The following B3GALT1 variants were observed in gnomAD, a reference collection of about 807,000 sequenced individuals.
The protein encoded by B3GALT1 is beta-1,3-galactosyltransferase 1.
B3GALT1 carries 10 observed loss-of-function variants against 23.2 expected under a neutral mutation model. That is an observed-to-expected ratio of 0.43 (90% CI 0.27 to 0.73). The LOEUF (loss-of-function observed/expected upper bound fraction) is 0.73, where lower values mean the gene tolerates loss of function less well. Ranked by LOEUF, B3GALT1 falls within the 30% of genes least tolerant of loss-of-function variation. The pLI is 0.21. For missense variants in B3GALT1, 299 were observed against 405.4 expected (o/e 0.74, Z 2.25); for synonymous variants, 156 against 141.5 (o/e 1.10, Z -0.73).
intron 3 of B3GALT1, among the ~76,000 whole-genome samples, chr2:167,766,613 T>C (rs1027028052): frequency 1.3e-5 from 2 of 152,148 alleles, no homozygotes; most frequent in Admixed American, 1.3e-4. Flanking sequence ...TTTTTAAGAT[T>C]GGGAAACAAA....
chr2:167,822,833 C>A (rs1574282080), intron 4 of B3GALT1, among the ~76,000 whole-genome samples: 1 of 152,202 alleles, frequency 6.6e-6, no homozygotes, highest in African/African-American at 2.4e-5. Flanking sequence ...GCACTTTTTA[C>A]TAATCTTACA....
chr2:167,741,704 A>G (rs1687579388), intron 3 of B3GALT1, among the ~76,000 whole-genome samples: 1 of 152,124 alleles, frequency 6.6e-6, no homozygotes, highest in African/African-American at 2.4e-5. Flanking sequence ...TATAAATCAC[A>G]CTAAACATCT....
intron 3 of B3GALT1, among the ~76,000 whole-genome samples, chr2:167,691,016 AT>A (rs1222986924): frequency 6.6e-6 from 1 of 152,180 alleles, no homozygotes; most frequent in Non-Finnish European, 1.5e-5. Flanking sequence ...GCAAACAAAA[AT>A]ATCAGTATTT....
chr2:167,795,520 C>T (rs1200986126), intron 3 of B3GALT1, among the ~76,000 whole-genome samples: 1 of 152,150 alleles, frequency 6.6e-6, no homozygotes, highest in Non-Finnish European at 1.5e-5. Context: ...AAATAACTCC[C>T]TCCCCAAACC....
chr2:167,494,425 A>C (rs1699750703), intron 2 of B3GALT1, among the ~76,000 whole-genome samples: 1 of 152,114 alleles, frequency 6.6e-6, no homozygotes, highest in Admixed American at 6.5e-5. Context: ...TGATGAAGTA[A>C]GTTAGTACCC....
At chr2:167,309,395 T>C (rs1696601442) in intron 1 of B3GALT1, among the ~76,000 whole-genome samples, 1 of 152,056 alleles carries the variant, frequency 6.6e-6, no homozygotes, top group Non-Finnish European at 1.5e-5. Context: ...ATACAAAAGA[T>C]AGAAACTTAG....
At chr2:167,523,047 C>G (rs1392069129) in intron 2 of B3GALT1, among the ~76,000 whole-genome samples, 1 of 152,150 alleles carries the variant, frequency 6.6e-6, no homozygotes, top group African/African-American at 2.4e-5. Context: ...TTAGATGCCA[C>G]TGGACACCCA....
chr2:167,826,707 A>G (rs1432483073), intron 4 of B3GALT1, among the ~76,000 whole-genome samples: 1 of 152,224 alleles, frequency 6.6e-6, no homozygotes, highest in Non-Finnish European at 1.5e-5. Context: ...TGAGGCCTCA[A>G]CCAACCGTGG....
chr2:167,596,751 A>G (rs1342087362), intron 2 of B3GALT1, among the ~76,000 whole-genome samples: 1 of 152,238 alleles, frequency 6.6e-6, no homozygotes, highest in African/African-American at 2.4e-5. Context: ...CAGCAGTTGA[A>G]TAATTTTAAA....
chr2:167,610,833 G>C (rs1685050100), intron 2 of B3GALT1, among the ~76,000 whole-genome samples: 1 of 151,066 alleles, frequency 6.6e-6, no homozygotes, highest in Non-Finnish European at 1.5e-5. Context: ...ATAAGGTATT[G>C]GGGGTCATAG....
chr2:167,506,694 A>G (rs1038815186), intron 2 of B3GALT1, among the ~76,000 whole-genome samples: 1 of 152,234 alleles, frequency 6.6e-6, no homozygotes, highest in Non-Finnish European at 1.5e-5. Flanking sequence ...TATGCAAATA[A>G]ATATCCACAA....
intron 2 of B3GALT1, among the ~76,000 whole-genome samples, chr2:167,631,134 AT>A (rs1275502081): frequency 6.6e-6 from 1 of 151,880 alleles, no homozygotes; most frequent in Non-Finnish European, 1.5e-5. Flanking sequence ...ACAACCAAAT[AT>A]TTTTAAGTTA....
Position 167,568,023 on chromosome 2 carries a change from A to G in B3GALT1, c.-410+77746A>G, listed in dbSNP as rs568235962. ...AGATCAACTGATTTTACTTAGTAAT[A>G]TGCGTTTAAGTTTCCTCCGTGTCTT... On this transcript the variant is annotated intron_variant, in intron 2 of 4. Transcript: ENST00000392690. 1.2e-4 allele frequency among the ~76,000 whole-genome samples: 19 copies of G among 152,212 alleles called. 1 individual carries two copies. In the South Asian group the frequency reaches 3.5e-3, roughly 28 times the overall value.
chr2:167,335,594 C>T (rs557363501), intron 1 of B3GALT1, among the ~76,000 whole-genome samples: 2 of 152,100 alleles, frequency 1.3e-5, no homozygotes, highest in Non-Finnish European at 2.9e-5. Flanking sequence ...GGTTTCCTCC[C>T]CTTTTTAGAC....
At chr2:167,589,577 A>G (rs146287844) in intron 2 of B3GALT1, among the ~76,000 whole-genome samples, 205 of 152,270 alleles carry the variant, frequency 1.3e-3, no homozygotes, top group African/African-American at 4.8e-3. Flanking sequence ...TTTGCCCACA[A>G]ATTTAATATT....
intron 3 of B3GALT1, among the ~76,000 whole-genome samples, chr2:167,746,397 A>G (rs1341076144): frequency 6.6e-6 from 1 of 152,232 alleles, no homozygotes; most frequent in Non-Finnish European, 1.5e-5. Flanking sequence ...TTGACATAGA[A>G]TCATCTTCCA....
chr2:167,849,086 C>G (rs907052734), intron 4 of B3GALT1, among the ~76,000 whole-genome samples: 1 of 152,182 alleles, frequency 6.6e-6, no homozygotes, highest in Admixed American at 6.5e-5. Context: ...ACAGACAACA[C>G]AAACAAACGG....
Position 167,814,683 on chromosome 2 carries a change from G to A in B3GALT1, c.-351-3989G>A, listed in dbSNP as rs117620402. The stretch of plus-strand genomic sequence containing the variant: ...TGAGATAGAAGAATTGCTTGGACGC[G>A]GGAGGCGGAGGTTGCAGTGAGCCGA... On this transcript the variant is annotated intron_variant, in intron 3 of 4. Coordinates refer to ENST00000392690, the MANE Select transcript of B3GALT1 (RefSeq NM_020981.4). 3.2e-3 allele frequency: 495 copies of A among 152,472 alleles called. 9 individuals are homozygous for A. In the East Asian group the frequency reaches 0.05, roughly 15 times the overall value. The allele number at this position is 152,472 out of a possible 1,614,324, so 9.4% of individuals were successfully genotyped here.
intron 3 of B3GALT1, among the ~76,000 whole-genome samples, chr2:167,795,972 T>A (rs1688540292): frequency 6.6e-6 from 1 of 152,242 alleles, no homozygotes; most frequent in Non-Finnish European, 1.5e-5. Flanking sequence ...TTCACTAAAT[T>A]GTGCTTTAAT....
Sources: allele counts gnomAD v4.1 joint callset (sites outside exome capture counted in the v4.1 genomes callset), GRCh38; gene constraint gnomAD v4.1.1; transcripts MANE v1.5; gene names NCBI Gene and HGNC (gene_info 2026-07-23, HGNC 2026-07-21).